ZMYM4: variants seen among roughly 807,000 people sequenced by gnomAD.
ZMYM4 encodes zinc finger MYM-type protein 4.
In ZMYM4, 31 loss-of-function variants were observed where a neutral mutation model predicts 183.2. The ratio of observed to expected loss-of-function variants is 0.17; its 90% CI spans 0.13 to 0.23. ZMYM4 has a LOEUF of 0.23. Ranked by LOEUF, ZMYM4 falls within the 10% of genes least tolerant of loss-of-function variation. The pLI is 1.00. For missense variants in ZMYM4, 1,273 were observed against 1,840.3 expected (o/e 0.69, Z 5.64); for synonymous variants, 592 against 631.2 (o/e 0.94, Z 0.93).
In ZMYM4 at chr1:35,392,463, G is replaced by T. The variant is rs546691232; in HGVS notation, c.2728+111G>T. On this transcript the variant is annotated intron_variant, in intron 16 of 29. Transcript: ENST00000314607. ...CATACATTTGACACATTCAATATTA[G>T]GAATAGTGGCTTGCTGCACAAGTTT... The T allele has an allele frequency of 1.1e-4, 161 of 1,406,066 alleles. No homozygotes were observed. In the African/African-American group the frequency reaches 2.2e-3, roughly 19 times the overall value. 87.1% of individuals were successfully genotyped at this position (1,406,066 alleles called of 1,614,324 possible).
At chr1:35,296,829 T>TTCTTTC (rs1312443962) in intron 1 of ZMYM4, among the ~76,000 whole-genome samples, 19 of 129,642 alleles carry the variant, frequency 1.5e-4, no homozygotes, top group Non-Finnish European at 2.5e-4. Flanking sequence ...CCTTTTCTTT[T>TTCTTTC]TCTTTCTTTC....
At chr1:35,294,583 T>A (rs951291663) in intron 1 of ZMYM4, among the ~76,000 whole-genome samples, 2 of 152,200 alleles carry the variant, frequency 1.3e-5, no homozygotes, top group Non-Finnish European at 2.9e-5. Context: ...CAGATTCATG[T>A]CTATATAACA....
chr1:35,350,930 G>T, intron 2 of ZMYM4: 1 of 658,454 alleles, frequency 1.5e-6, no homozygotes, highest in Non-Finnish European at 2.7e-6. Flanking sequence ...TTATAGAGGG[G>T]GATATGATAG....
intron 1 of ZMYM4, among the ~76,000 whole-genome samples, chr1:35,319,276 G>A (rs1171709843): frequency 2.0e-5 from 3 of 152,168 alleles, no homozygotes; most frequent in Non-Finnish European, 2.9e-5. Flanking sequence ...TGCTTTGCAT[G>A]GTTTCAGCTT....
At chr1:35,373,048 A>G (rs537582444) in intron 7 of ZMYM4, among the ~76,000 whole-genome samples, 5 of 152,020 alleles carry the variant, frequency 3.3e-5, no homozygotes, top group Admixed American at 6.5e-5. Context: ...AATCCCAGCT[A>G]CTCAGATGGC....
chr1:35,319,088 C>G (rs1642177177), intron 1 of ZMYM4, among the ~76,000 whole-genome samples: 1 of 152,104 alleles, frequency 6.6e-6, no homozygotes, highest in Non-Finnish European at 1.5e-5. Flanking sequence ...CTATGTTGGT[C>G]AGGCTGGTCT....
At chr1:35,329,222 T>G (rs143829937) in intron 2 of ZMYM4, among the ~76,000 whole-genome samples, 2 of 152,232 alleles carry the variant, frequency 1.3e-5, no homozygotes, top group African/African-American at 4.8e-5. Context: ...AAAAGAAGAC[T>G]TCAACATTTT....
In ZMYM4 at chr1:35,269,851, TG is replaced by T. The variant is rs369931862; in HGVS notation, c.39+768del. 3.5e-3 allele frequency among the ~76,000 whole-genome samples: 527 copies of T among 152,340 alleles called. 2 individuals are homozygous for T. The highest frequency in any genetic ancestry group is 4.8e-3 in the Non-Finnish European group (328 of 68,036). ...TTAATTCTGAGTGGTTTTTTTCAGA[TG>T]GCGAACAATACTGTACTATCGATTG... On this transcript the variant is annotated intron_variant, in intron 1 of 29. Transcript: ENST00000314607.
rs746887184 is a variant in ZMYM4 at position 35,358,977 on chromosome 1, T to C, written c.138T>C (p.Thr46=). The C allele has an allele frequency of 6.2e-7, 1 of 1,613,724 alleles. No individual in the cohort carries two copies. Among genetic ancestry groups the C allele is most frequent in the South Asian group, 1.1e-5 (1 of 91,062 alleles). The change falls in exon 3 of 30, where the codon ACT becomes ACC. Residue 46 remains threonine, a synonymous_variant. Coordinates refer to ENST00000314607, the MANE Select transcript of ZMYM4 (RefSeq NM_005095.3). ...EMSEDIDHNL[T]PTLDSMSYGM... is the part of the protein sequence containing the mutation. ...CTGAAGATATAGACCACAACTTAAC[T>C]CCTACCCTTGACAGCATGTCTTATG... is the stretch of plus-strand genomic sequence containing the variant.
chr1:35,372,895 C>T (rs867543133), intron 7 of ZMYM4, among the ~76,000 whole-genome samples: 1 of 152,100 alleles, frequency 6.6e-6, no homozygotes, highest in African/African-American at 2.4e-5. Context: ...TGGTGGCTTG[C>T]GCCGGTAATC....
Position 35,398,998 on chromosome 1 carries a change from T to G in ZMYM4, c.3388T>G (p.Ser1130Ala). The G allele has an allele frequency of 1.9e-6, 3 of 1,614,146 alleles. No homozygotes were observed. Among genetic ancestry groups the G allele is most frequent in the Middle Eastern group, 3.3e-4 (2 of 6,062 alleles). Residue 1130 changes from serine to alanine, a missense_variant, in exon 22 of 30, where the codon TCA becomes GCA. Around this residue, in one of 6 missense-constraint regions of ZMYM4, gnomAD observed 290 missense variants for 353.3 expected, o/e 0.82. Transcript: ENST00000314607. ...GGCTGATTCAGAATTGAAGCAGTTCTCAAAAGGGGAAACTGAACAGGACCT... is the reference window on the plus strand; with the variant it reads ...GGCTGATTCAGAATTGAAGCAGTTCGCAAAAGGGGAAACTGAACAGGACCT... The part of the protein sequence containing the change: ...QEADSELKQF[S>A]KGETEQDLEA...
At position 35,408,047 on chromosome 1, in the gene ZMYM4, C is replaced by A. The variant is rs778421205; in HGVS notation, c.3836C>A (p.Thr1279Asn). The change falls in exon 26 of 30, where the codon ACT becomes AAT. Residue 1279 changes from threonine (T) to asparagine (N), a missense_variant. Thr to Asn is a moderately conservative substitution (Grantham distance 65). Transcript: ENST00000314607. ...CTGAAGGAAGACATTCTGTCCTGCA[C>A]TTTTGCTGAGTTGAGTTTGGGCTTA... ...IKLKEDILSCTFAELSLGLCQ... is the reference protein window; with the variant it reads ...IKLKEDILSCNFAELSLGLCQ... 2 of 1,614,106 alleles carry A rather than the reference C, an allele frequency of 1.2e-6. No individual in the cohort carries two copies. The highest frequency in any genetic ancestry group is 3.3e-5 in the Admixed American group (2 of 60,010).
chr1:35,399,054 A>G lies in ZMYM4; in HGVS notation c.3433+11A>G. 3 of 1,612,932 alleles carry G rather than the reference A, an allele frequency of 1.9e-6. No individual in the cohort carries two copies. The highest frequency in any genetic ancestry group is 1.7e-5 in the Admixed American group (1 of 59,932). The stretch of plus-strand genomic sequence containing the variant: ...CAGATTTTCCATCAGGTTTGTGTAC[A>G]GTAACCTGTCCACTGAAAGCTTTTT... On this transcript the variant is annotated intron_variant, in intron 22 of 29. Transcript: ENST00000314607.
chr1:35,289,863 T>G (rs1008781929), intron 1 of ZMYM4, among the ~76,000 whole-genome samples: 1 of 152,220 alleles, frequency 6.6e-6, no homozygotes, highest in Admixed American at 6.6e-5. Flanking sequence ...TTTAGATTGT[T>G]GTATTCTATG....
chr1:35,365,584 G>A (rs1186324853), intron 5 of ZMYM4, among the ~76,000 whole-genome samples: 1 of 152,058 alleles, frequency 6.6e-6, no homozygotes, highest in African/African-American at 2.4e-5. Flanking sequence ...AAATGTTGGG[G>A]CTCTTTTAGC....
chr1:35,275,918 T>G (rs1639849243), intron 1 of ZMYM4, among the ~76,000 whole-genome samples: 1 of 152,230 alleles, frequency 6.6e-6, no homozygotes, highest in South Asian at 2.1e-4. Flanking sequence ...TTCTCATACC[T>G]ATACCCACTT....
intron 7 of ZMYM4, among the ~76,000 whole-genome samples, chr1:35,371,942 A>C (rs919469844): frequency 2.0e-5 from 3 of 152,150 alleles, no homozygotes; most frequent in African/African-American, 7.2e-5. Context: ...TGGAATCTCT[A>C]TTTTTATTGT....
intron 1 of ZMYM4, among the ~76,000 whole-genome samples, chr1:35,313,416 TCTCA>T (rs1418421829): frequency 7.2e-6 from 1 of 138,404 alleles, no homozygotes; most frequent in East Asian, 2.1e-4. Context: ...TGAGACAGAG[TCTCA>T]CTCTGTAGCC....
In ZMYM4 at chr1:35,387,109, G is replaced by A. The variant is rs1338843489; in HGVS notation, c.1943G>A (p.Gly648Asp). 3 of 1,614,226 alleles carry A rather than the reference G, an allele frequency of 1.9e-6. No homozygotes were observed. The highest frequency in any genetic ancestry group is 1.7e-6 in the Non-Finnish European group (2 of 1,180,042). Residue 648 changes from glycine to aspartate, a missense_variant, in exon 12 of 30, where the codon GGT becomes GAT. By Grantham distance (94) the Gly-to-Asp change is moderately conservative. This residue lies in a region of ZMYM4 where 319 missense variants were observed against 518.1 expected (regional missense o/e 0.62). Coordinates refer to ENST00000314607, the MANE Select transcript of ZMYM4 (RefSeq NM_005095.3). Reference protein sequence around the residue: ...PTGSTVSAGGGSTSAVSPTSI... With the variant: ...PTGSTVSAGGDSTSAVSPTSI... The stretch of plus-strand genomic sequence containing the variant: ...GGTTCCACAGTGTCAGCCGGAGGAG[G>A]TAGCACATCTGCTGTTTCTCCCACC...
Sources: allele counts gnomAD v4.1 joint callset (sites outside exome capture counted in the v4.1 genomes callset), GRCh38; gene constraint gnomAD v4.1.1; regional missense constraint gnomAD v4.1.1; transcripts MANE v1.5; gene names NCBI Gene and HGNC (gene_info 2026-07-23, HGNC 2026-07-21).